Variants in SLC14A2 observed in about 807,000 individuals in gnomAD.
SLC14A2 encodes solute carrier family 14 member 2, also known as urea transporter 2.
A neutral mutation model predicts 104.6 loss-of-function variants in SLC14A2; 91 were observed. The observed-to-expected ratio is 0.87, with a 90% CI of 0.73 to 1.04. The LOEUF is 1.04. Among genes scored for constraint, SLC14A2 ranks in the 50% least tolerant of loss-of-function variants. The pLI, the probability that SLC14A2 is intolerant of heterozygous loss-of-function variation, is 0.00. For synonymous variants in SLC14A2, 476 were observed against 466.4 expected (o/e 1.02, Z -0.27); for missense variants, 1,189 against 1,156.0 (o/e 1.03, Z -0.41).
intron 13 of SLC14A2, 66 bp downstream of exon 13, chr18:45,667,160 A>G: frequency 7.3e-7 from 1 of 1,370,022 alleles, no homozygotes. Flanking sequence ...TCCCCAGGAA[A>G]CCCATTGCCA....
At chr18:45,536,762 A>G (rs1323920791) in intron 2 of SLC14A2, among the ~76,000 whole-genome samples, 2 of 152,218 alleles carry the variant, frequency 1.3e-5, no homozygotes, top group Non-Finnish European at 1.5e-5. Context: ...CAAAGACCCA[A>G]GGAGGTAAAA....
chr18:45,479,935 C>G (rs1346011583), intron 1 of SLC14A2, among the ~76,000 whole-genome samples: 1 of 152,080 alleles, frequency 6.6e-6, no homozygotes, highest in South Asian at 2.1e-4. Flanking sequence ...TTGCACCTCT[C>G]GTAAATTCCA....
At chr18:45,270,198 C>A (rs1252655172) in intron 1 of SLC14A2, among the ~76,000 whole-genome samples, 1 of 152,152 alleles carries the variant, frequency 6.6e-6, no homozygotes. Context: ...CCTTAGCAAG[C>A]AGCTACTCAC....
At chr18:45,366,444 C>T (rs1436343612) in intron 1 of SLC14A2, among the ~76,000 whole-genome samples, 1 of 152,166 alleles carries the variant, frequency 6.6e-6, no homozygotes, top group Non-Finnish European at 1.5e-5. Context: ...TGCTGGGGAC[C>T]CCCGTGTGGC....
In SLC14A2 at chr18:45,456,769, G is replaced by A. The variant is rs62090759; in HGVS notation, c.-124-26464G>A. 6.0e-5 allele frequency among the ~76,000 whole-genome samples: 7 copies of A among 116,488 alleles called. No homozygotes were observed. In the South Asian group the frequency reaches 2.1e-3, roughly 35 times the overall value. The allele number at this position is 116,488 out of a possible 152,430, so 76.4% of individuals were successfully genotyped here. A position where few individuals can be genotyped will look rare whatever the true frequency, so the allele number is the denominator to read the frequency against. On this transcript the variant is annotated intron_variant, in intron 1 of 20. Transcript: ENST00000586448. ...CAGGAGACTTTTTTTTTTTTTTTTGGATGACCTTTTTGAAGCATCTTATTT... is the reference window on the plus strand; with the variant it reads ...CAGGAGACTTTTTTTTTTTTTTTTGAATGACCTTTTTGAAGCATCTTATTT...
chr18:45,632,295 G>T, intron 4 of SLC14A2, 55 bp from the exon 5 acceptor site: 1 of 1,584,238 alleles, frequency 6.3e-7, no homozygotes, highest in Non-Finnish European at 8.6e-7. Context: ...CCAGGAGGGA[G>T]GGGCCCAGTA....
At chr18:45,209,965 C>T (rs2083948506), upstream of SLC14A2, among the ~76,000 whole-genome samples, 2 of 152,166 alleles carry the variant, frequency 1.3e-5, no homozygotes, top group African/African-American at 2.4e-5. Context: ...GTGATTATGT[C>T]AGTATGAATG....
intron 1 of SLC14A2, among the ~76,000 whole-genome samples, chr18:45,355,521 T>G (rs1228175375): frequency 2.3e-5 from 3 of 129,600 alleles, no homozygotes; most frequent in Non-Finnish European, 4.6e-5. Flanking sequence ...GAGGTTGCAG[T>G]GAGCCGAGAT....
intron 2 of SLC14A2, among the ~76,000 whole-genome samples, chr18:45,554,132 A>G (rs1056562637): frequency 3.3e-5 from 5 of 152,232 alleles, no homozygotes; most frequent in Admixed American, 6.5e-5. Flanking sequence ...GTATGGTAGA[A>G]GAATTTGCAG....
intron 13 of SLC14A2, among the ~76,000 whole-genome samples, chr18:45,667,594 C>T (rs1224948391): frequency 1.3e-5 from 2 of 152,186 alleles, no homozygotes; most frequent in African/African-American, 4.8e-5. Flanking sequence ...ACCTAATCCC[C>T]CCTGCCAGAA....
chr18:45,493,222 C>G (rs540407239), intron 2 of SLC14A2: 1 of 152,344 alleles, frequency 6.6e-6, no homozygotes, highest in Admixed American at 6.5e-5. Flanking sequence ...ACAGACCTTA[C>G]ACCATCTGGC....
At chr18:45,629,939 A>AGAGGT (rs2045319223) in intron 4 of SLC14A2, among the ~76,000 whole-genome samples, 2 of 152,158 alleles carry the variant, frequency 1.3e-5, no homozygotes, top group Non-Finnish European at 2.9e-5. Flanking sequence ...GATCCCTGAC[A>AGAGGT]CCAGCTGTAC....
intron 4 of SLC14A2, 40 bp from the exon 5 acceptor site, chr18:45,632,310 C>A: frequency 6.3e-7 from 1 of 1,599,106 alleles, no homozygotes; most frequent in East Asian, 2.3e-5. Flanking sequence ...CCAGTAACAC[C>A]ACCAACTTCA....
At chr18:45,648,937 G>T (rs373476808) in intron 10 of SLC14A2, among the ~76,000 whole-genome samples, 9 of 152,152 alleles carry the variant, frequency 5.9e-5, no homozygotes, top group African/African-American at 1.7e-4. Flanking sequence ...ATAATCAAAA[G>T]CATATTCGTC....
At chr18:45,192,996 C>T in the SLC14A2 span, among the ~76,000 whole-genome samples, 1 of 152,064 alleles carries the variant, frequency 6.6e-6, no homozygotes, top group Non-Finnish European at 1.5e-5. Context: ...TTTTCCTTTC[C>T]CTAATGATTA....
intron 1 of SLC14A2, among the ~76,000 whole-genome samples, chr18:45,280,605 C>T (rs1338462722): frequency 6.6e-6 from 1 of 152,114 alleles, no homozygotes; most frequent in African/African-American, 2.4e-5. Context: ...AGGACTCTTT[C>T]TTTCTGGATG....
the SLC14A2 span, among the ~76,000 whole-genome samples, chr18:45,203,576 T>C: frequency 6.6e-6 from 1 of 152,218 alleles, no homozygotes; most frequent in African/African-American, 2.4e-5. Flanking sequence ...TATTAAAATA[T>C]CTGACATGCT....
intron 1 of SLC14A2, among the ~76,000 whole-genome samples, chr18:45,405,923 A>G (rs1468633886): frequency 6.6e-6 from 1 of 151,476 alleles, no homozygotes; most frequent in Non-Finnish European, 1.5e-5. Context: ...AAATGCTAAC[A>G]GTCATCTAAG....
intron 3 of SLC14A2, among the ~76,000 whole-genome samples, 189 bp from the exon 4 acceptor site, chr18:45,626,769 T>C (rs1007916822): frequency 1.8e-4 from 28 of 152,254 alleles, no homozygotes; most frequent in African/African-American, 5.8e-4. Context: ...ATTGCTGGGC[T>C]ACTGAGAGAT....
Sources: allele counts gnomAD v4.1 joint callset (sites outside exome capture counted in the v4.1 genomes callset), GRCh38; gene constraint gnomAD v4.1.1; transcripts MANE v1.5; gene names NCBI Gene and HGNC (gene_info 2026-07-23, HGNC 2026-07-21).